PRUNE2: variants seen among roughly 807,000 people sequenced by gnomAD.
PRUNE2 encodes protein prune homolog 2.
PRUNE2 carries 164 observed loss-of-function variants against 252.0 expected under a neutral mutation model. That is an observed-to-expected ratio of 0.65 (90% CI 0.57 to 0.74). The LOEUF (loss-of-function observed/expected upper bound fraction) is 0.74. PRUNE2 is among the 30% of genes least tolerant of loss of function. PRUNE2 has a pLI of 0.00. For missense variants in PRUNE2, 3,495 were observed against 3,711.0 expected (o/e 0.94, Z 1.51); for synonymous variants, 1,292 against 1,350.2 (o/e 0.96, Z 0.94).
intron 6 of PRUNE2, among the ~76,000 whole-genome samples, chr9:76,720,598 G>GTT (rs60404731): frequency 2.8e-4 from 42 of 151,226 alleles, no homozygotes; most frequent in Admixed American, 1.1e-3. Flanking sequence ...TTCCTTTCCT[G>GTT]TTTTTTTATT....
At chr9:76,624,894 A>G in intron 16 of PRUNE2, 1 of 509,574 alleles carries the variant, frequency 2.0e-6, no homozygotes, top group Admixed American at 2.8e-5. Context: ...CAGGACAAAG[A>G]CTGAAAATGG....
At chr9:76,694,029 T>C (rs2045110734) in intron 9 of PRUNE2, among the ~76,000 whole-genome samples, 1 of 152,152 alleles carries the variant, frequency 6.6e-6, no homozygotes, top group Admixed American at 6.5e-5. Context: ...ATCTTGGGAA[T>C]GTCTGCCCAG....
chr9:76,656,428 T>C (rs1306856724), intron 9 of PRUNE2, among the ~76,000 whole-genome samples: 1 of 152,222 alleles, frequency 6.6e-6, no homozygotes, highest in African/African-American at 2.4e-5. Context: ...ACCTTTATGT[T>C]AAAGTTCTTA....
intron 3 of PRUNE2, among the ~76,000 whole-genome samples, chr9:76,846,941 C>G (rs978311952): frequency 6.6e-6 from 1 of 152,152 alleles, no homozygotes; most frequent in African/African-American, 2.4e-5. Context: ...ATAATAGTAA[C>G]TAACACTATT....
rs151134717 is a variant in PRUNE2, at chr9:76,864,315, G to A, written c.37-10107C>T. Among the ~76,000 whole-genome samples, 952 of 152,184 alleles carry A rather than the reference G, an allele frequency of 6.3e-3. 6 individuals carry two copies. The highest frequency in any genetic ancestry group is 0.022 in the African/African-American group (895 of 41,494). ...TACCAGAGGGGGTAGCAGGAAGGAGGGTGTAGGCTGAAAAACTACCTATTG... is the reference window on the plus strand; with the variant it reads ...TACCAGAGGGGGTAGCAGGAAGGAGAGTGTAGGCTGAAAAACTACCTATTG... On this transcript the variant is annotated intron_variant, in intron 1 of 18. Transcript: ENST00000376718.
chr9:76,861,451 T>C (rs900626730), intron 1 of PRUNE2, among the ~76,000 whole-genome samples: 3 of 152,222 alleles, frequency 2.0e-5, no homozygotes, highest in East Asian at 1.9e-4. Flanking sequence ...AATTCAGCTA[T>C]AAACTGTTCA....
At chr9:76,724,702 A>T (rs2047957562) in intron 6 of PRUNE2, among the ~76,000 whole-genome samples, 1 of 152,184 alleles carries the variant, frequency 6.6e-6, no homozygotes, top group South Asian at 2.1e-4. Context: ...GGAGTTTCAC[A>T]ACCAATCAAA....
At chr9:76,733,015 T>C (rs935606802) in intron 6 of PRUNE2, among the ~76,000 whole-genome samples, 1 of 152,218 alleles carries the variant, frequency 6.6e-6, no homozygotes, top group Non-Finnish European at 1.5e-5. Context: ...GCCATTTATA[T>C]AGATTTTTTT....
chr9:76,642,001 T>TAAAAAAAAAAAAAAAAGAAAAAAAA, intron 12 of PRUNE2: 1 of 1,010,460 alleles, frequency 9.9e-7, no homozygotes, highest in East Asian at 2.8e-5. Context: ...ATAAGAGAAG[T>TAAAAAAAAAAAAAAAAGAAAAAAAA]AAAAAAAAAA....
rs1277395902 is a variant in PRUNE2, at chr9:76,652,503, G to A, written c.8537C>T (p.Ser2846Phe). Reference sequence around the variant, plus strand: ...CTTACCATGGCCAGTGTACTCAAAAGAATCTGCTTCATCGGGGGTATCAAG... The same window carrying A: ...CTTACCATGGCCAGTGTACTCAAAAAAATCTGCTTCATCGGGGGTATCAAG... ...DELDTPDEADSFEYTGHDPTA... is the reference protein window; with the variant it reads ...DELDTPDEADFFEYTGHDPTA... The change falls in exon 11 of 19, where the codon TCT becomes TTT. Residue 2846 changes from serine to phenylalanine, a missense_variant. By Grantham distance (155) the Ser-to-Phe change is radical. Coordinates refer to ENST00000376718, the MANE Select transcript of PRUNE2 (RefSeq NM_015225.3). The A allele has an allele frequency of 4.3e-6, 7 of 1,613,018 alleles. No individual in the cohort carries two copies. Among genetic ancestry groups the A allele is most frequent in the Non-Finnish European group, 5.9e-6 (7 of 1,179,142 alleles).
At chr9:76,743,659 T>C (rs1042866425) in intron 6 of PRUNE2, among the ~76,000 whole-genome samples, 5 of 152,244 alleles carry the variant, frequency 3.3e-5, no homozygotes, top group African/African-American at 1.2e-4. Flanking sequence ...TTATTTGACA[T>C]ACTGTTAATA....
chr9:76,624,077 A>G (rs1019243286), intron 17 of PRUNE2, among the ~76,000 whole-genome samples: 3 of 152,206 alleles, frequency 2.0e-5, no homozygotes, highest in South Asian at 2.1e-4. Context: ...CCAAATCTCG[A>G]TGTGTTATTA....
At chr9:76,678,174 A>T (rs2042940423) in intron 9 of PRUNE2, among the ~76,000 whole-genome samples, 1 of 151,894 alleles carries the variant, frequency 6.6e-6, no homozygotes, top group African/African-American at 2.4e-5. Context: ...CAACACGGCA[A>T]AACCCCGTCT....
chr9:76,636,591 T>G (rs1235527902), intron 14 of PRUNE2, 34 bp from the exon 15 acceptor site: 2 of 1,093,648 alleles, frequency 1.8e-6, no homozygotes, highest in Non-Finnish European at 2.7e-6. Flanking sequence ...TACATTACTC[T>G]TAACCCATTT....
chr9:76,763,613 T>A (rs2051981561), intron 6 of PRUNE2, among the ~76,000 whole-genome samples: 1 of 152,220 alleles, frequency 6.6e-6, no homozygotes, highest in African/African-American at 2.4e-5. Flanking sequence ...GGATCTGGTG[T>A]CGTCTATTTA....
chr9:76,860,778 A>C (rs1806703983), intron 1 of PRUNE2, among the ~76,000 whole-genome samples: 1 of 152,184 alleles, frequency 6.6e-6, no homozygotes, highest in African/African-American at 2.4e-5. Context: ...AAAATGAAGA[A>C]ACAAGAGAGA....
chr9:76,860,479 G>C (rs1450042381), intron 1 of PRUNE2, among the ~76,000 whole-genome samples: 1 of 152,192 alleles, frequency 6.6e-6, no homozygotes, highest in Non-Finnish European at 1.5e-5. Flanking sequence ...CAGCCTGGTA[G>C]AAGCAAGATG....
intron 1 of PRUNE2, among the ~76,000 whole-genome samples, chr9:76,898,158 C>T (rs752789735): frequency 3.3e-5 from 5 of 152,200 alleles, no homozygotes; most frequent in Non-Finnish European, 4.4e-5. Context: ...ATTAGCCGCC[C>T]GGCTGTACTG....
intron 1 of PRUNE2, among the ~76,000 whole-genome samples, chr9:76,873,664 G>A (rs890663785): frequency 9.9e-5 from 15 of 152,162 alleles, no homozygotes; most frequent in African/African-American, 3.6e-4. Context: ...CATATGAGGC[G>A]AGGAGAGAGA....
Sources: allele counts gnomAD v4.1 joint callset (sites outside exome capture counted in the v4.1 genomes callset), GRCh38; gene constraint gnomAD v4.1.1; transcripts MANE v1.5; gene names NCBI Gene and HGNC (gene_info 2026-07-23, HGNC 2026-07-21).